OR4A5: variants seen among roughly 807,000 people sequenced by gnomAD.
The protein encoded by OR4A5 is olfactory receptor 4A5.
For synonymous variants in OR4A5, 245 were observed against 138.5 expected (o/e 1.77, Z -5.40); for missense variants, 684 against 381.6 (o/e 1.79, Z -6.60).
At position 54,706,912 on chromosome 11, in the gene OR4A5, T is replaced by G. The variant is rs760223957; in HGVS notation, c.28T>G (p.Phe10Val). 10 of 1,610,438 alleles carry G rather than the reference T, an allele frequency of 6.2e-6. No homozygotes were observed. The highest frequency in any genetic ancestry group is 8.5e-6 in the Non-Finnish European group (10 of 1,178,154). MRQNNNITEFVLLGFSQDPG... is the reference protein window; with the variant it reads MRQNNNITEVVLLGFSQDPG... ...GAGACAGAATAACAATATTACAGAA[T>G]TTGTCCTCCTGGGCTTTTCTCAGGA... The change falls in exon 1 of 1, where the codon TTT becomes GTT. Residue 10 changes from phenylalanine to valine, a missense_variant. Transcript: ENST00000319760.
rs146616468 is a variant in OR4A5, at chr11:54,707,253, C to T, written c.369C>T (p.Ala123=). The change falls in exon 1 of 1, where the codon GCC becomes GCT. Residue 123 remains alanine (A), a synonymous_variant. Transcript: ENST00000319760. ...TGATGGCCTGTGATCGCTATGTGGC[C>T]ATCTGTAAGCCACTGCACTATTTGA... The part of the protein sequence containing the change: ...LVVMACDRYV[A]ICKPLHYLTI... 2.1e-5 allele frequency: 34 copies of T among 1,613,636 alleles called. No individual in the cohort carries two copies. In the African/African-American group the frequency reaches 4.3e-4, roughly 20 times the overall value.
At position 54,707,203 on chromosome 11, in the gene OR4A5, G is replaced by A. The variant is rs1445134544; in HGVS notation, c.319G>A (p.Gly107Arg). The change falls in exon 1 of 1, where the codon GGG becomes AGG. Residue 107 changes from glycine to arginine, a missense_variant. Gly to Arg is a moderately radical substitution (Grantham distance 125). Coordinates refer to ENST00000319760, the MANE Select transcript of OR4A5 (RefSeq NM_001005272.3). The part of the protein sequence containing the change: ...GQLFIDHFFG[G>R]AEVFLLVVMA... ...GCTATTTATAGACCATTTCTTTGGT[G>A]GGGCTGAGGTCTTCCTTCTGGTGGT... 2.5e-6 allele frequency: 4 copies of A among 1,613,794 alleles called. No homozygotes were observed. Among genetic ancestry groups the A allele is most frequent in the Admixed American group, 1.7e-5 (1 of 59,938 alleles).
chr11:54,707,759 G>A lies in OR4A5; in HGVS notation c.875G>A (p.Arg292Lys), dbSNP rs766174410. ...LIYTLRNSEM[R>K]NAIEKLLGKK... ...TATACGTTGAGAAATTCAGAGATGA[G>A]AAATGCTATAGAAAAACTCTTGGGT... is the stretch of plus-strand genomic sequence containing the variant. The change falls in exon 1 of 1, where the codon AGA (arginine) becomes AAA (lysine). Residue 292 changes from arginine to lysine, a missense_variant. Coordinates refer to ENST00000319760, the MANE Select transcript of OR4A5 (RefSeq NM_001005272.3). The A allele has an allele frequency of 1.7e-5, 27 of 1,590,942 alleles. No homozygotes were observed. The highest frequency in any genetic ancestry group is 3.3e-4 in the Middle Eastern group (2 of 5,982).
At position 54,707,785 on chromosome 11, in the gene OR4A5, A is replaced by G. The variant is rs779037036; in HGVS notation, c.901A>G (p.Lys301Glu). 10 of 1,571,506 alleles carry G rather than the reference A, an allele frequency of 6.4e-6. No individual in the cohort carries two copies. The African/African-American group carries it at 1.1e-4, about 17-fold the overall frequency. Residue 301 changes from lysine (K) to glutamate (E), a missense_variant, in exon 1 of 1, where the codon AAA becomes GAA. Coordinates refer to ENST00000319760, the MANE Select transcript of OR4A5 (RefSeq NM_001005272.3). ...AAATGCTATAGAAAAACTCTTGGGTAAAAAGTTAACTATATTTATTATAGG... is the reference window on the plus strand; with the variant it reads ...AAATGCTATAGAAAAACTCTTGGGTGAAAAGTTAACTATATTTATTATAGG... ...MRNAIEKLLG[K>E]KLTIFIIGGV...
Position 54,707,605 on chromosome 11 carries a change from A to G in OR4A5, c.721A>G (p.Ser241Gly), listed in dbSNP as rs773626260. 14 of 1,612,778 alleles carry G rather than the reference A, an allele frequency of 8.7e-6. No individual in the cohort carries two copies. The highest frequency in any genetic ancestry group is 1.2e-5 in the Non-Finnish European group (14 of 1,179,534). Reference protein sequence around the residue: ...GKALSTCSSGSTVVVLFFVPC... With the variant: ...GKALSTCSSGGTVVVLFFVPC... ...AGCCTTGTCTACCTGCAGCTCCGGC[A>G]GTACCGTTGTTGTCCTCTTTTTTGT... Residue 241 changes from serine (S) to glycine (G), a missense_variant, in exon 1 of 1, where the codon AGT becomes GGT. Physicochemically the swap from Ser to Gly is moderately conservative, Grantham distance 56. Transcript: ENST00000319760.
rs201390674 is a variant in OR4A5, at chr11:54,707,401, C to A, written c.517C>A (p.His173Asn). The change falls in exon 1 of 1, where the codon CAT becomes AAT. Residue 173 changes from histidine to asparagine, a missense_variant. By Grantham distance (68) the His-to-Asn change is moderately conservative. Transcript: ENST00000319760. ...LPFCGPNVIVHFSCDMHPLLE... is the reference protein window; with the variant it reads ...LPFCGPNVIVNFSCDMHPLLE... ...TTTCTGTGGTCCCAATGTCATTGTT[C>A]ATTTCAGTTGTGACATGCACCCATT... is the stretch of plus-strand genomic sequence containing the variant. 1 of 1,613,534 alleles carries A rather than the reference C, an allele frequency of 6.2e-7. No homozygotes were observed. Among genetic ancestry groups the A allele is most frequent in the Non-Finnish European group, 8.5e-7 (1 of 1,179,852 alleles).
rs541242060 is a variant in OR4A5, at chr11:54,707,086, G to C, written c.202G>C (p.Asp68His). ...CTTCCTTGCCTGCCTGTCATTTATA[G>C]ATGCTGCATATTCCACTACCATTTC... ...YFFLACLSFI[D>H]AAYSTTISPK... The change falls in exon 1 of 1, where the codon GAT (aspartate) becomes CAT (histidine). Residue 68 changes from aspartate (D) to histidine (H), a missense_variant. Physicochemically the swap from Asp to His is moderately conservative, Grantham distance 81. Transcript: ENST00000319760. The C allele has an allele frequency of 7.3e-5, 118 of 1,613,582 alleles. No individual in the cohort carries two copies. Among genetic ancestry groups the C allele is most frequent in the Non-Finnish European group, 9.2e-5 (109 of 1,179,858 alleles).
At position 54,707,264 on chromosome 11, in the gene OR4A5, C is replaced by G. The variant is rs142336269; in HGVS notation, c.380C>G (p.Pro127Arg). The change falls in exon 1 of 1, where the codon CCA becomes CGA. Residue 127 changes from proline to arginine, a missense_variant. Pro to Arg is a moderately radical substitution (Grantham distance 103, BLOSUM62 -2). Coordinates refer to ENST00000319760, the MANE Select transcript of OR4A5 (RefSeq NM_001005272.3). Reference sequence around the variant, plus strand: ...GATCGCTATGTGGCCATCTGTAAGCCACTGCACTATTTGACCATCATGAAT... The same window carrying G: ...GATCGCTATGTGGCCATCTGTAAGCGACTGCACTATTTGACCATCATGAAT... ...ACDRYVAICKPLHYLTIMNRQ... is the reference protein window; with the variant it reads ...ACDRYVAICKRLHYLTIMNRQ... The G allele has an allele frequency of 6.2e-7, 1 of 1,613,690 alleles. No individual in the cohort carries two copies. The highest frequency in any genetic ancestry group is 1.1e-5 in the South Asian group (1 of 91,078).
At position 54,707,764 on chromosome 11, in the gene OR4A5, G is replaced by C. The variant is rs772913200; in HGVS notation, c.880G>C (p.Ala294Pro). 6.3e-7 allele frequency: 1 copy of C among 1,587,062 alleles called. No individual in the cohort carries two copies. The highest frequency in any genetic ancestry group is 1.1e-5 in the South Asian group (1 of 88,334). ...YTLRNSEMRN[A>P]IEKLLGKKLT... ...GTTGAGAAATTCAGAGATGAGAAAT[G>C]CTATAGAAAAACTCTTGGGTAAAAA... is the stretch of plus-strand genomic sequence containing the variant. The change falls in exon 1 of 1, where the codon GCT (alanine) becomes CCT (proline). Residue 294 changes from alanine (A) to proline (P), a missense_variant. Coordinates refer to ENST00000319760, the MANE Select transcript of OR4A5 (RefSeq NM_001005272.3).
chr11:54,707,724 T>A lies in OR4A5; in HGVS notation c.840T>A (p.Ser280Arg). 1.3e-6 allele frequency: 2 copies of A among 1,599,162 alleles called. No individual in the cohort carries two copies. The highest frequency in any genetic ancestry group is 1.7e-6 in the Non-Finnish European group (2 of 1,167,848). ...ATACCATTATCACACACATGCTGAG[T>A]CCTTTAATATATACGTTGAGAAATT... ...VFYTIITHML[S>R]PLIYTLRNSE... is the part of the protein sequence containing the mutation. Residue 280 changes from serine to arginine, a missense_variant, in exon 1 of 1, where the codon AGT becomes AGA. Physicochemically the swap from Ser to Arg is moderately radical, Grantham distance 110. Coordinates refer to ENST00000319760, the MANE Select transcript of OR4A5 (RefSeq NM_001005272.3).
chr11:54,706,982 A>G lies in OR4A5; in HGVS notation c.98A>G (p.Tyr33Cys). ...KALFVMFLLT[Y>C]LVTVVGNLLI... Reference sequence around the variant, plus strand: ...TTATTTGTCATGTTTTTACTCACATACTTGGTGACAGTGGTGGGGAACCTG... The same window carrying G: ...TTATTTGTCATGTTTTTACTCACATGCTTGGTGACAGTGGTGGGGAACCTG... The change falls in exon 1 of 1, where the codon TAC (tyrosine) becomes TGC (cysteine). Residue 33 changes from tyrosine (Y) to cysteine (C), a missense_variant. Transcript: ENST00000319760. The G allele has an allele frequency of 6.2e-7, 1 of 1,613,358 alleles. No individual in the cohort carries two copies. The highest frequency in any genetic ancestry group is 1.7e-5 in the Admixed American group (1 of 59,878).
chr11:54,707,525 C>T lies in OR4A5; in HGVS notation c.641C>T (p.Ser214Phe). ...GTCATTTTCAACCTTCTGTTAATCT[C>T]CTATGGAGTCATCCTAAGCTCCCTT... ...CMVIFNLLLI[S>F]YGVILSSLKT... Residue 214 changes from serine to phenylalanine, a missense_variant, in exon 1 of 1, where the codon TCC (serine) becomes TTC (phenylalanine). Transcript: ENST00000319760. 1 of 1,613,680 alleles carries T rather than the reference C, an allele frequency of 6.2e-7. No individual in the cohort carries two copies. Among genetic ancestry groups the T allele is most frequent in the Non-Finnish European group, 8.5e-7 (1 of 1,179,852 alleles).
rs565180649 is a variant in OR4A5, at chr11:54,707,266, C to T, written c.382C>T (p.Leu128=). 1.2e-6 allele frequency: 2 copies of T among 1,613,736 alleles called. No homozygotes were observed. The highest frequency in any genetic ancestry group is 3.3e-4 in the Middle Eastern group (2 of 6,058). ...TCGCTATGTGGCCATCTGTAAGCCACTGCACTATTTGACCATCATGAATCG... is the reference window on the plus strand; with the variant it reads ...TCGCTATGTGGCCATCTGTAAGCCATTGCACTATTTGACCATCATGAATCG... The part of the protein sequence containing the change: ...CDRYVAICKP[L]HYLTIMNRQV... The change falls in exon 1 of 1, where the codon CTG becomes TTG. Residue 128 remains leucine (L), a synonymous_variant. Coordinates refer to ENST00000319760, the MANE Select transcript of OR4A5 (RefSeq NM_001005272.3).
rs1565035474 is a variant in OR4A5 at position 54,707,696 on chromosome 11, T to C, written c.812T>C (p.Phe271Ser). 1.9e-6 allele frequency: 3 copies of C among 1,606,946 alleles called. No homozygotes were observed. The highest frequency in any genetic ancestry group is 2.2e-5 in the East Asian group (1 of 44,670). ...NFPTDKFMTVFYTIITHMLSP... is the reference protein window; with the variant it reads ...NFPTDKFMTVSYTIITHMLSP... ...CCTACTGATAAGTTCATGACTGTGT[T>C]TTATACCATTATCACACACATGCTG... is the stretch of plus-strand genomic sequence containing the variant. The change falls in exon 1 of 1, where the codon TTT becomes TCT. Residue 271 changes from phenylalanine (F) to serine (S), a missense_variant. By Grantham distance (155) the Phe-to-Ser change is radical. Coordinates refer to ENST00000319760, the MANE Select transcript of OR4A5 (RefSeq NM_001005272.3).
rs144589958 is a variant in OR4A5, at chr11:54,707,021, A to C, written c.137A>C (p.Asp46Ala). 4 of 1,613,406 alleles carry C rather than the reference A, an allele frequency of 2.5e-6. No individual in the cohort carries two copies. Among genetic ancestry groups the C allele is most frequent in the Non-Finnish European group, 8.5e-7 (1 of 1,179,858 alleles). ...GTGGGGAACCTGCTCATTGTGGTGG[A>C]TATTATTGCCAGCCCTTCCTTGGGT... Reference protein sequence around the residue: ...TVVGNLLIVVDIIASPSLGSP... With the variant: ...TVVGNLLIVVAIIASPSLGSP... Residue 46 changes from aspartate (D) to alanine (A), a missense_variant, in exon 1 of 1, where the codon GAT (aspartate) becomes GCT (alanine). Transcript: ENST00000319760.
Position 54,706,876 on chromosome 11 carries a change from G to A in OR4A5, c.-9G>A, listed in dbSNP as rs1854041807. 3.2e-6 allele frequency: 5 copies of A among 1,568,744 alleles called. No homozygotes were observed. The highest frequency in any genetic ancestry group is 1.4e-5 in the African/African-American group (1 of 73,678). On this transcript the variant is annotated 5_prime_UTR_variant, in exon 1 of 1. Transcript: ENST00000319760. ...TCTCACCTCTGATACAAGCCTTAAA[G>A]AAGAGTAAATGAGACAGAATAACAA...
chr11:54,706,908 A>G lies in OR4A5; in HGVS notation c.24A>G (p.Thr8=). The G allele has an allele frequency of 2.5e-6, 4 of 1,609,802 alleles. No homozygotes were observed. Among genetic ancestry groups the G allele is most frequent in the Non-Finnish European group, 3.4e-6 (4 of 1,177,786 alleles). MRQNNNI[T]EFVLLGFSQD... ...AAATGAGACAGAATAACAATATTACAGAATTTGTCCTCCTGGGCTTTTCTC... is the reference window on the plus strand; with the variant it reads ...AAATGAGACAGAATAACAATATTACGGAATTTGTCCTCCTGGGCTTTTCTC... The change falls in exon 1 of 1, where the codon ACA becomes ACG. Residue 8 remains threonine (T), a synonymous_variant. Coordinates refer to ENST00000319760, the MANE Select transcript of OR4A5 (RefSeq NM_001005272.3).
In OR4A5 at chr11:54,707,149, A is replaced by T. The variant is rs566002229; in HGVS notation, c.265A>T (p.Thr89Ser). 4 of 1,613,592 alleles carry T rather than the reference A, an allele frequency of 2.5e-6. No homozygotes were observed. The highest frequency in any genetic ancestry group is 4.5e-5 in the East Asian group (2 of 44,764). ...TGTAGGCTTATTCTGTGATAAAAAG[A>T]CTATTTCCTTCCAAGGTTGCATGGG... ...LIVGLFCDKK[T>S]ISFQGCMGQL... Residue 89 changes from threonine (T) to serine (S), a missense_variant, in exon 1 of 1, where the codon ACT (threonine) becomes TCT (serine). Physicochemically the swap from Thr to Ser is moderately conservative, Grantham distance 58. Transcript: ENST00000319760.
rs749700074 is a variant in OR4A5 at position 54,707,573 on chromosome 11, G to T, written c.689G>T (p.Arg230Met). 7 of 1,613,380 alleles carry T rather than the reference G, an allele frequency of 4.3e-6. No homozygotes were observed. In the East Asian group the frequency reaches 6.7e-5, roughly 15 times the overall value. ...CTTAAAACTTACAGTCAGGAAAAGA[G>T]GGGTAAAGCCTTGTCTACCTGCAGC... ...SSLKTYSQEK[R>M]GKALSTCSSG... Residue 230 changes from arginine (R) to methionine (M), a missense_variant, in exon 1 of 1, where the codon AGG (arginine) becomes ATG (methionine). Transcript: ENST00000319760.
Sources: allele counts gnomAD v4.1 joint callset, GRCh38; gene constraint gnomAD v4.1.1; transcripts MANE v1.5; gene names NCBI Gene and HGNC (gene_info 2026-07-23, HGNC 2026-07-21).